The following PKD1L1 variants were observed in gnomAD, a reference collection of about 807,000 sequenced individuals.
PKD1L1 encodes the protein polycystin 1 like 1, transient receptor potential channel interacting.
PKD1L1 carries 236 observed loss-of-function variants against 323.4 expected under a neutral mutation model. The observed-to-expected ratio is 0.73, with a 90% CI of 0.66 to 0.81. The LOEUF (loss-of-function observed/expected upper bound fraction) is 0.81. Among genes scored for constraint, PKD1L1 ranks in the 40% least tolerant of loss-of-function variants. The pLI, the probability that PKD1L1 is intolerant of heterozygous loss-of-function variation, is 0.00. For synonymous variants in PKD1L1, 1,344 were observed against 1,335.0 expected, an observed-to-expected ratio of 1.01 and a Z score of -0.15; for missense variants, 3,320 against 3,508.0, an observed-to-expected ratio of 0.95 and a Z score of 1.35.
intron 30 of PKD1L1, 51 bp downstream of exon 30, chr7:47,854,831 A>G (rs748433201): frequency 6.4e-7 from 1 of 1,572,070 alleles, no homozygotes; most frequent in South Asian, 1.2e-5. Context: ...AACATTCTTA[A>G]GGACAATATG....
Position 47,846,743 on chromosome 7 carries a change from G to A in PKD1L1, c.5153+136C>T, listed in dbSNP as rs137972135. On this transcript the variant is annotated intron_variant, in intron 32 of 56. Coordinates refer to ENST00000289672, the MANE Select transcript of PKD1L1 (RefSeq NM_138295.5). ...GCTATGAGAGAACTGACACAGGCTG[G>A]AGAGTTGTACAAACCAAGAGAGCTC... 6.0e-4 allele frequency: 455 copies of A among 761,066 alleles called. No homozygotes were observed. The East Asian group carries it at 7.2e-3, about 12-fold the overall frequency. The allele number at this position is 761,066 out of a possible 1,614,324, so 47.1% of individuals were successfully genotyped here.
In PKD1L1 at chr7:47,857,830, AC is replaced by A. The variant is rs1336527462; in HGVS notation, c.4364del (p.Gly1455ValfsTer5). The stretch of plus-strand genomic sequence containing the variant: ...TGCTAACATGGTTCAAAGAGAGACA[AC>A]CCTGAAACATAGAGCATAGGGAGTG... Reference protein sequence around the residue: ...GITVISDLLLGCLSLNHVSTG... With the variant: ...GITVISDLLLXCLSLNHVSTG... On this transcript the variant is annotated frameshift_variant and splice_region_variant, in exon 28 of 57. Coordinates refer to ENST00000289672, the MANE Select transcript of PKD1L1 (RefSeq NM_138295.5). LOFTEE classifies it high-confidence loss of function. The A allele has an allele frequency of 1.2e-6, 2 of 1,613,798 alleles. No homozygotes were observed. The highest frequency in any genetic ancestry group is 1.7e-6 in the Non-Finnish European group (2 of 1,179,810).
intron 27 of PKD1L1, among the ~76,000 whole-genome samples, chr7:47,858,363 A>G: frequency 7.0e-6 from 1 of 143,386 alleles, no homozygotes; most frequent in African/African-American, 2.8e-5. Context: ...TAATTCCTCA[A>G]AAAAACAGAA....
At chr7:47,778,847 G>A (rs943133568) in intron 56 of PKD1L1, among the ~76,000 whole-genome samples, 1 of 152,164 alleles carries the variant, frequency 6.6e-6, no homozygotes, top group Non-Finnish European at 1.5e-5. Flanking sequence ...AGGCAGTGCT[G>A]TTCTTGAACA....
intron 38 of PKD1L1, 43 bp downstream of exon 38, chr7:47,835,090 G>C (rs761966660): frequency 6.2e-7 from 1 of 1,608,482 alleles, no homozygotes; most frequent in Non-Finnish European, 8.5e-7. Context: ...GCAATGAAGG[G>C]GCTGCTCAGG....
At chr7:47,822,039 C>T (rs1199675399) in intron 45 of PKD1L1, among the ~76,000 whole-genome samples, 2 of 152,150 alleles carry the variant, frequency 1.3e-5, no homozygotes, top group Admixed American at 1.3e-4. Flanking sequence ...TCATCTTTCT[C>T]TCTCTGCCAA....
At chr7:47,807,710 G>A (rs535486683) in intron 52 of PKD1L1, among the ~76,000 whole-genome samples, 12 of 152,244 alleles carry the variant, frequency 7.9e-5, no homozygotes, top group Middle Eastern at 3.4e-3. Context: ...CATTTGCCTG[G>A]TCCTCCTGGT....
chr7:47,812,902 G>A (rs1334784490), intron 49 of PKD1L1, among the ~76,000 whole-genome samples: 1 of 152,350 alleles, frequency 6.6e-6, no homozygotes, highest in East Asian at 1.9e-4. Flanking sequence ...TTGAAAGAAC[G>A]TTTGCTCTGT....
intron 24 of PKD1L1, among the ~76,000 whole-genome samples, chr7:47,870,317 G>A (rs1583634868): frequency 1.3e-5 from 2 of 152,142 alleles, no homozygotes; most frequent in East Asian, 3.9e-4. Flanking sequence ...GCCAAAAGCT[G>A]GTTTTTTGAA....
rs1184850811 is a variant in PKD1L1, at chr7:47,865,243, C to T, written c.4122G>A (p.Leu1374=). 6.2e-7 allele frequency: 1 copy of T among 1,613,388 alleles called. No individual in the cohort carries two copies. The highest frequency in any genetic ancestry group is 8.5e-7 in the Non-Finnish European group (1 of 1,179,750). The change falls in exon 26 of 57, where the codon TTG becomes TTA. Residue 1374 remains leucine (L), a synonymous_variant. Coordinates refer to ENST00000289672, the MANE Select transcript of PKD1L1 (RefSeq NM_138295.5). ...QEEMIGSVLM[L]RDLVSFSNKL... ...TATTAGAGAAGCTCACGAGGTCCCT[C>T]AACATAAGAACAGAACCAATCATTT...
chr7:47,882,084 A>T lies in PKD1L1; in HGVS notation c.3267T>A (p.Ala1089=), dbSNP rs10951936. The change falls in exon 20 of 57, where the codon GCT becomes GCA. Residue 1089 remains alanine, a splice_region_variant and synonymous_variant. Transcript: ENST00000289672. ...EAIPSGGRQP[A]KDTSFPGSGP... ...CTGATCCTGGAAAGCTGGTGTCCTT[A>T]GCTAGGAAGATAAACCAAGCCAATA... The T allele has an allele frequency of 0.32, 520,410 of 1,612,028 alleles. 86,858 individuals carry two copies. Among genetic ancestry groups the T allele is most frequent in the Admixed American group, 0.41 (24,431 of 59,272 alleles).
chr7:47,879,659 C>T (rs1191799784), intron 21 of PKD1L1, among the ~76,000 whole-genome samples: 2 of 115,304 alleles, frequency 1.7e-5, no homozygotes, highest in African/African-American at 3.8e-5. Context: ...AAAGGCCAGG[C>T]ACGGTGGCTC....
intron 15 of PKD1L1, among the ~76,000 whole-genome samples, chr7:47,891,829 C>G (rs1018223814): frequency 6.6e-6 from 1 of 152,212 alleles, no homozygotes; most frequent in Non-Finnish European, 1.5e-5. Flanking sequence ...AAGACACAGC[C>G]TCTGTCTCCT....
intron 18 of PKD1L1, 51 bp from the exon 19 acceptor site, chr7:47,884,708 C>T (rs1185039295): frequency 6.8e-7 from 1 of 1,472,208 alleles, no homozygotes; most frequent in Non-Finnish European, 9.5e-7. Context: ...ACAGAATCCC[C>T]TGAAATTAAC....
intron 21 of PKD1L1, among the ~76,000 whole-genome samples, chr7:47,878,767 G>A (rs1188708273): frequency 6.6e-6 from 1 of 152,184 alleles, no homozygotes; most frequent in Non-Finnish European, 1.5e-5. Flanking sequence ...AGTCACGAGG[G>A]GGCCTGGTGT....
chr7:47,915,573 G>A lies in PKD1L1; in HGVS notation c.1087C>T (p.Gln363Ter). 3.9e-6 allele frequency: 6 copies of A among 1,528,672 alleles called. No individual in the cohort carries two copies. Among genetic ancestry groups the A allele is most frequent in the East Asian group, 2.3e-5 (1 of 42,872 alleles). 94.7% of individuals were successfully genotyped at this position (1,528,672 alleles called of 1,614,324 possible). A position where few individuals can be genotyped will look rare whatever the true frequency, so the allele number is the denominator to read the frequency against. ...TCTTTGTAGGTGGACATATCCAACT[G>A]AAAATGTAAAAGATGAAAAAAAATA... ...KGIFFHLLHFQLDMSTYKEAE... is the reference protein window; with the variant it reads ...KGIFFHLLHF Residue 363 changes from glutamine (Q) to a stop codon, truncating the protein, a stop_gained, in exon 8 of 57, where the codon CAG (glutamine) becomes TAG (stop). Coordinates refer to ENST00000289672, the MANE Select transcript of PKD1L1 (RefSeq NM_138295.5). LOFTEE classifies it high-confidence loss of function.
chr7:47,957,471 G>A, the PKD1L1 span, among the ~76,000 whole-genome samples: 10 of 152,078 alleles, frequency 6.6e-5, no homozygotes, highest in Non-Finnish European at 1.2e-4. Context: ...AAAACATTCA[G>A]TAAAGTTTCA....
chr7:47,922,524 C>A (rs1787567734), intron 7 of PKD1L1, among the ~76,000 whole-genome samples: 1 of 151,914 alleles, frequency 6.6e-6, no homozygotes, highest in African/African-American at 2.4e-5. Flanking sequence ...TGCCCCGCCG[C>A]CCCGTCTGAG....
Position 47,887,996 on chromosome 7 carries a change from T to C in PKD1L1, c.2830A>G (p.Ile944Val). The change falls in exon 17 of 57, where the codon ATA becomes GTA. Residue 944 changes from isoleucine to valine, a missense_variant. Ile to Val is a conservative substitution (Grantham distance 29). Coordinates refer to ENST00000289672, the MANE Select transcript of PKD1L1 (RefSeq NM_138295.5). Reference sequence around the variant, plus strand: ...AGCTATTAATCCTTTTTACCTTCTATCCTATTCTTTTCTGTTGCATTGACT... The same window carrying C: ...AGCTATTAATCCTTTTTACCTTCTACCCTATTCTTTTCTGTTGCATTGACT... ...FLVNATEKNRIEVPFCRVVGL... is the reference protein window; with the variant it reads ...FLVNATEKNRVEVPFCRVVGL... The C allele has an allele frequency of 6.2e-7, 1 of 1,612,500 alleles. No individual in the cohort carries two copies. The highest frequency in any genetic ancestry group is 8.5e-7 in the Non-Finnish European group (1 of 1,179,088).
Sources: allele counts gnomAD v4.1 joint callset (sites outside exome capture counted in the v4.1 genomes callset), GRCh38; gene constraint gnomAD v4.1.1; transcripts MANE v1.5; gene names NCBI Gene and HGNC (gene_info 2026-07-23, HGNC 2026-07-21).